Variants in CPNE4 observed in about 807,000 individuals in gnomAD.
CPNE4 encodes the protein copine-4.
CPNE4 carries 25 observed loss-of-function variants against 67.9 expected under a neutral mutation model. The ratio of observed to expected loss-of-function variants is 0.37; its 90% confidence interval spans 0.27 to 0.51. The LOEUF is 0.51. CPNE4 is among the 20% of genes least tolerant of loss of function. The probability of loss-of-function intolerance (pLI) is 0.93; values close to 1 mark genes in which losing one functional copy is unlikely to be tolerated. For missense variants in CPNE4, 464 were observed against 690.8 expected (o/e 0.67, Z 3.68); for synonymous variants, 242 against 244.9 (o/e 0.99, Z 0.11).
At chr3:132,006,149 C>T (rs1031574795) in intron 1 of CPNE4, among the ~76,000 whole-genome samples, 8 of 152,182 alleles carry the variant, frequency 5.3e-5, no homozygotes, top group African/African-American at 1.9e-4. Flanking sequence ...TAACACAGAA[C>T]TTGTTCCTCC....
chr3:131,999,265 G>A (rs199949826), intron 1 of CPNE4, among the ~76,000 whole-genome samples: 936 of 55,948 alleles, frequency 0.017, 1 homozygote, highest in African/African-American at 0.043. Flanking sequence ...AAAAAAAAAA[G>A]ATAGCCTCTG....
chr3:131,708,961 T>G (rs1280930037), intron 3 of CPNE4, among the ~76,000 whole-genome samples: 2 of 64,506 alleles, frequency 3.1e-5, no homozygotes, highest in South Asian at 5.0e-4. Context: ...CATAAAGATA[T>G]ATATATATAT....
intron 6 of CPNE4, among the ~76,000 whole-genome samples, chr3:131,683,107 A>G (rs2080798418): frequency 6.6e-6 from 1 of 152,136 alleles, no homozygotes; most frequent in African/African-American, 2.4e-5. Flanking sequence ...GGGGACCCCA[A>G]GAGCCCAATT....
intron 1 of CPNE4, among the ~76,000 whole-genome samples, chr3:131,999,241 TAAAAAAAA>T (rs79127364): frequency 0.014 from 1,407 of 98,810 alleles, 32 homozygotes; most frequent in Middle Eastern, 0.048. Context: ...TTATCCAAGG[TAAAAAAAA>T]AAAAAAAAAA....
intron 7 of CPNE4, among the ~76,000 whole-genome samples, chr3:131,629,305 C>T (rs2079161241): frequency 6.6e-6 from 1 of 152,092 alleles, no homozygotes; most frequent in African/African-American, 2.4e-5. Context: ...TCACCCTCCA[C>T]CAGCAAAAAG....
chr3:131,824,729 A>G (rs1048571272), intron 2 of CPNE4, among the ~76,000 whole-genome samples: 4 of 152,140 alleles, frequency 2.6e-5, no homozygotes, highest in African/African-American at 9.7e-5. Context: ...TATGAATCTG[A>G]ACTAGGAAAG....
intron 2 of CPNE4, among the ~76,000 whole-genome samples, chr3:131,728,403 G>A (rs1248167632): frequency 1.3e-5 from 2 of 152,182 alleles, no homozygotes; most frequent in Non-Finnish European, 2.9e-5. Flanking sequence ...CAGAACCTGT[G>A]TGTTTAACCT....
chr3:131,863,208 C>A (rs901572009), intron 2 of CPNE4, among the ~76,000 whole-genome samples: 3 of 152,098 alleles, frequency 2.0e-5, no homozygotes, highest in African/African-American at 7.2e-5. Flanking sequence ...TTTTATAATC[C>A]TTTGGGTACA....
At chr3:131,759,490 T>G (rs1428506935) in intron 2 of CPNE4, among the ~76,000 whole-genome samples, 1 of 152,114 alleles carries the variant, frequency 6.6e-6, no homozygotes, top group Non-Finnish European at 1.5e-5. Flanking sequence ...TTCCTAATAC[T>G]CATCTAATGG....
chr3:131,804,390 A>C (rs2084236663), intron 2 of CPNE4, among the ~76,000 whole-genome samples: 1 of 152,202 alleles, frequency 6.6e-6, no homozygotes, highest in South Asian at 2.1e-4. Context: ...ACTACTCACA[A>C]ACCTAGTTAT....
At chr3:131,996,957 C>T (rs2107656375) in intron 1 of CPNE4, among the ~76,000 whole-genome samples, 1 of 152,076 alleles carries the variant, frequency 6.6e-6, no homozygotes, top group Admixed American at 6.5e-5. Flanking sequence ...AATGACTGGA[C>T]AACACTGAGA....
chr3:131,853,763 T>C (rs766321093), intron 2 of CPNE4, among the ~76,000 whole-genome samples: 4 of 151,846 alleles, frequency 2.6e-5, no homozygotes, highest in Non-Finnish European at 4.4e-5. Flanking sequence ...TAAAAGAAGA[T>C]GTATAGTAAC....
intron 7 of CPNE4, among the ~76,000 whole-genome samples, chr3:131,660,558 A>G (rs1411210032): frequency 6.6e-6 from 1 of 152,206 alleles, no homozygotes; most frequent in African/African-American, 2.4e-5. Flanking sequence ...GAGTACAGAT[A>G]CAGAATATTT....
Position 131,696,594 on chromosome 3 carries a change from C to A in CPNE4, c.455G>T (p.Gly152Val). Residue 152 changes from glycine to valine, a missense_variant, in exon 5 of 16, where the codon GGC (glycine) becomes GTC (valine). Gly to Val is a moderately radical substitution (Grantham distance 109). Coordinates refer to ENST00000429747, the MANE Select transcript of CPNE4 (RefSeq NM_130808.3). Reference sequence around the variant, plus strand: ...TGCAAGCTCAACATAGTCGTCATTGCCAGATAATTCTTCAGCAATCACCTA... The same window carrying A: ...TGCAAGCTCAACATAGTCGTCATTGACAGATAATTCTTCAGCAATCACCTA... ...SITVIAEELS[G>V]NDDYVELAFN... The A allele has an allele frequency of 6.2e-7, 1 of 1,613,926 alleles. No individual in the cohort carries two copies. The highest frequency in any genetic ancestry group is 8.5e-7 in the Non-Finnish European group (1 of 1,179,910).
At chr3:131,573,393 G>A (rs1439381710) in intron 10 of CPNE4, among the ~76,000 whole-genome samples, 1 of 152,110 alleles carries the variant, frequency 6.6e-6, no homozygotes, top group Non-Finnish European at 1.5e-5. Flanking sequence ...GACTGAGAAA[G>A]GAGGGGAGAA....
At chr3:131,990,700 C>T (rs1221191597) in intron 1 of CPNE4, among the ~76,000 whole-genome samples, 1 of 135,706 alleles carries the variant, frequency 7.4e-6, no homozygotes, top group Non-Finnish European at 1.7e-5. Context: ...TCGTTGGTGT[C>T]CCTTTCTTTT....
intron 2 of CPNE4, among the ~76,000 whole-genome samples, chr3:131,904,682 G>A (rs1281488992): frequency 6.6e-6 from 1 of 152,054 alleles, no homozygotes; most frequent in Non-Finnish European, 1.5e-5. Context: ...CTCTACTGCA[G>A]ACAGAGATTT....
Position 131,622,448 on chromosome 3 carries a change from T to G in CPNE4, c.682-34866A>C, listed in dbSNP as rs1030195415. Among the ~76,000 whole-genome samples, 4 of 152,332 alleles carry G rather than the reference T, an allele frequency of 2.6e-5. No individual in the cohort carries two copies. In the East Asian group the frequency reaches 7.7e-4, roughly 29 times the overall value. The stretch of plus-strand genomic sequence containing the variant: ...ACATATTGTGAATCCTATCCTAAAG[T>G]GTCGCTCATTTAAAAGTCTTGAAGG... On this transcript the variant is annotated intron_variant, in intron 7 of 15. Coordinates refer to ENST00000429747, the MANE Select transcript of CPNE4 (RefSeq NM_130808.3).
Position 131,535,105 on chromosome 3 carries a change from G to GT in CPNE4, c.*89dup. On this transcript the variant is annotated 3_prime_UTR_variant, in exon 16 of 16. Transcript: ENST00000429747. ...ATTTTTAAATGTGTATATGTTGTTG[G>GT]TTTTTTAAAGTACAGGAGTAGTAGA... 7.4e-7 allele frequency: 1 copy of GT among 1,355,292 alleles called. No individual in the cohort carries two copies. 84.0% of individuals were successfully genotyped at this position (1,355,292 alleles called of 1,614,324 possible). A position where few individuals can be genotyped will look rare whatever the true frequency, so the allele number is the denominator to read the frequency against.
Sources: allele counts gnomAD v4.1 joint callset (sites outside exome capture counted in the v4.1 genomes callset), GRCh38; gene constraint gnomAD v4.1.1; transcripts MANE v1.5; gene names NCBI Gene and HGNC (gene_info 2026-07-23, HGNC 2026-07-21).